Variants in ABCA13 observed in about 807,000 individuals in gnomAD.
ABCA13 encodes ATP binding cassette subfamily A member 13.
In ABCA13, 476 loss-of-function variants were observed where a neutral mutation model predicts 478.7. The observed-to-expected ratio is 0.99, with a 90% CI of 0.92 to 1.07. The LOEUF is 1.07. Ranked by LOEUF, ABCA13 falls within the 50% of genes least tolerant of loss-of-function variation. The pLI, the probability that ABCA13 is intolerant of heterozygous loss-of-function variation, is 0.00. For synonymous variants in ABCA13, 2,252 were observed against 2,158.9 expected, an observed-to-expected ratio of 1.04 and a Z score of -1.20; for missense variants, 6,060 against 5,910.6, an observed-to-expected ratio of 1.03 and a Z score of -0.83.
rs114063410 is a variant in ABCA13 at position 48,295,953 on chromosome 7, T to A, written c.9119+90T>A. On this transcript the variant is annotated intron_variant, in intron 21 of 61. Coordinates refer to ENST00000435803, the MANE Select transcript of ABCA13 (RefSeq NM_152701.5). ...TCTTTAAAATGTGAATTTCAGACAG[T>A]GGTCTGTATAATATACTCTTAATGT... is the stretch of plus-strand genomic sequence containing the variant. The A allele has an allele frequency of 5.5e-4, 804 of 1,452,988 alleles. 4 individuals are homozygous for A. In the African/African-American group the frequency reaches 0.011, roughly 19 times the overall value. 90.0% of individuals were successfully genotyped at this position (1,452,988 alleles called of 1,614,324 possible).
chr7:48,426,390 C>T (rs1821428993), intron 41 of ABCA13, among the ~76,000 whole-genome samples: 1 of 152,212 alleles, frequency 6.6e-6, no homozygotes, highest in Admixed American at 6.5e-5. Context: ...TGCCTTCCCC[C>T]ATCTTTCCCT....
intron 23 of ABCA13, among the ~76,000 whole-genome samples, chr7:48,299,088 G>C (rs1000670597): frequency 2.6e-5 from 4 of 152,202 alleles, no homozygotes; most frequent in African/African-American, 9.7e-5. Flanking sequence ...TGTGGAAAAG[G>C]GGAACGGGGA....
intron 31 of ABCA13, among the ~76,000 whole-genome samples, chr7:48,359,931 G>A (rs993392430): frequency 1.3e-5 from 2 of 152,048 alleles, no homozygotes; most frequent in Non-Finnish European, 2.9e-5. Context: ...AAGTCCACCT[G>A]CAGAAAAAGC....
At chr7:48,401,635 T>G (rs1817618154) in intron 38 of ABCA13, among the ~76,000 whole-genome samples, 1 of 152,112 alleles carries the variant, frequency 6.6e-6, no homozygotes, top group Non-Finnish European at 1.5e-5. Flanking sequence ...TATAGACCAT[T>G]TGTGCAATCT....
At chr7:48,423,104 T>C (rs960359244) in intron 41 of ABCA13, among the ~76,000 whole-genome samples, 7 of 152,224 alleles carry the variant, frequency 4.6e-5, no homozygotes, top group Admixed American at 3.3e-4. Context: ...CAAGCTCCTG[T>C]AAAATAACAA....
chr7:48,424,605 A>G (rs528850844), intron 41 of ABCA13, among the ~76,000 whole-genome samples: 5 of 152,340 alleles, frequency 3.3e-5, no homozygotes, highest in Middle Eastern at 6.8e-3. Flanking sequence ...TTACTGTAAA[A>G]TGATGTAATG....
At chr7:48,204,582 C>T (rs1374935971) in intron 3 of ABCA13, among the ~76,000 whole-genome samples, 3 of 152,156 alleles carry the variant, frequency 2.0e-5, no homozygotes, top group African/African-American at 7.2e-5. Flanking sequence ...GAGAAGGATT[C>T]CTTCTGTGCC....
rs139660562 is a variant in ABCA13, at chr7:48,249,071, C to T, written c.1866-141C>T. 339 of 674,382 alleles carry T rather than the reference C, an allele frequency of 5.0e-4. 3 individuals carry two copies. In the African/African-American group the frequency reaches 5.8e-3, roughly 12 times the overall value. The allele number at this position is 674,382 out of a possible 1,614,324, so 41.8% of individuals were successfully genotyped here. On this transcript the variant is annotated intron_variant, in intron 14 of 61. Coordinates refer to ENST00000435803, the MANE Select transcript of ABCA13 (RefSeq NM_152701.5). ...AAACAAACTTAAAAAATTAGTAGAA[C>T]TATTTGAAAGATTCTATTTCCTTAC...
chr7:48,172,749 G>A (rs1794294142), intron 1 of ABCA13, among the ~76,000 whole-genome samples: 1 of 138,338 alleles, frequency 7.2e-6, no homozygotes, highest in Non-Finnish European at 1.5e-5. Context: ...AGTGAGCCGA[G>A]ATCGCGCCAC....
At chr7:48,341,899 T>TCAGATATATATATA in intron 29 of ABCA13, among the ~76,000 whole-genome samples, 1 of 98,576 alleles carries the variant, frequency 1.0e-5, no homozygotes, top group African/African-American at 3.7e-5. Flanking sequence ...TATATATCTT[T>TCAGATATATATATA]CTGATATATA....
chr7:48,197,407 T>G (rs1262146012), intron 2 of ABCA13, among the ~76,000 whole-genome samples: 1 of 152,020 alleles, frequency 6.6e-6, no homozygotes, highest in Non-Finnish European at 1.5e-5. Flanking sequence ...TGAGGTGTGG[T>G]AGAATGAACA....
At position 48,273,638 on chromosome 7, in the gene ABCA13, C is replaced by G; in HGVS notation, c.3972C>G (p.Ile1324Met). The G allele has an allele frequency of 1.2e-6, 2 of 1,605,654 alleles. No individual in the cohort carries two copies. Among genetic ancestry groups the G allele is most frequent in the Non-Finnish European group, 1.7e-6 (2 of 1,175,432 alleles). ...ATGGAGAAAAATTTGAAAATATCAT[C>G]ACTGAGCTAAGAGAAGCAATAGTAT... Reference protein sequence around the residue: ...TNYGEKFENIITELREAIVFL... With the variant: ...TNYGEKFENIMTELREAIVFL... The change falls in exon 17 of 62, where the codon ATC becomes ATG. Residue 1324 changes from isoleucine (I) to methionine (M), a missense_variant. Coordinates refer to ENST00000435803, the MANE Select transcript of ABCA13 (RefSeq NM_152701.5).
intron 55 of ABCA13, among the ~76,000 whole-genome samples, chr7:48,552,648 C>T (rs965506438): frequency 2.2e-4 from 32 of 148,666 alleles, no homozygotes; most frequent in Admixed American, 6.8e-5. Context: ...TATATATTTA[C>T]GGGGTACAAA....
intron 39 of ABCA13, among the ~76,000 whole-genome samples, chr7:48,409,739 T>C (rs965257240): frequency 1.3e-5 from 2 of 151,990 alleles, no homozygotes; most frequent in Admixed American, 1.3e-4. Context: ...TGCGCTTCCA[T>C]AAAATATAGC....
At chr7:48,529,757 A>G (rs1431511243) in intron 55 of ABCA13, among the ~76,000 whole-genome samples, 1 of 147,444 alleles carries the variant, frequency 6.8e-6, no homozygotes, top group Non-Finnish European at 1.5e-5. Context: ...CTAACATTTG[A>G]CAATCTCTTT....
chr7:48,182,868 T>G (rs1263666864), intron 1 of ABCA13, among the ~76,000 whole-genome samples: 1 of 152,198 alleles, frequency 6.6e-6, no homozygotes, highest in African/African-American at 2.4e-5. Flanking sequence ...TCTCTTAGCT[T>G]GGACTTGTGC....
chr7:48,625,311 A>G (rs1793563509), intron 59 of ABCA13, among the ~76,000 whole-genome samples: 1 of 152,240 alleles, frequency 6.6e-6, no homozygotes, highest in African/African-American at 2.4e-5. Flanking sequence ...TAAAAGTGAA[A>G]TAGATAATTC....
At chr7:48,491,630 G>A (rs1829850106) in intron 48 of ABCA13, among the ~76,000 whole-genome samples, 1 of 152,182 alleles carries the variant, frequency 6.6e-6, no homozygotes, top group African/African-American at 2.4e-5. Context: ...ACTTGTTGAT[G>A]CATCATCATG....
chr7:48,369,905 A>G (rs1812366230), intron 32 of ABCA13, among the ~76,000 whole-genome samples: 1 of 148,578 alleles, frequency 6.7e-6, no homozygotes, highest in African/African-American at 2.5e-5. Flanking sequence ...GAATTTTAGG[A>G]TTTTTTTTTT....
Sources: gnomAD v4.1 joint callset for allele counts (sites outside exome capture counted in the v4.1 genomes callset) on GRCh38, gnomAD v4.1.1 for gene constraint, MANE v1.5 for transcripts, NCBI Gene and HGNC (gene_info 2026-07-23, HGNC 2026-07-21) for gene names.